ADGRF5: variants seen among roughly 807,000 people sequenced by gnomAD.
The protein encoded by ADGRF5 is G-protein coupled receptor 116.
A neutral mutation model predicts 132.3 loss-of-function variants in ADGRF5; 75 were observed. The ratio of observed to expected loss-of-function variants is 0.57; its 90% CI spans 0.47 to 0.69. The LOEUF (loss-of-function observed/expected upper bound fraction) is 0.69, where lower values mean the gene tolerates loss of function less well. Among genes scored for constraint, ADGRF5 ranks in the 30% least tolerant of loss-of-function variants. The pLI is 0.00. For missense variants in ADGRF5, 1,516 were observed against 1,630.6 expected (o/e 0.93, Z 1.21); for synonymous variants, 629 against 597.6 (o/e 1.05, Z -0.77).
In ADGRF5 at chr6:46,883,463, T is replaced by A. The variant is rs1772713015; in HGVS notation, c.612+96A>T. ...AGAATAATAAATCCACATCCGTAAA[T>A]TCTGACAGATCCAAGCCATGTTCAT... On this transcript the variant is annotated intron_variant, in intron 6 of 20. Coordinates refer to ENST00000283296, the MANE Select transcript of ADGRF5 (RefSeq NM_001098518.2). 26 of 676,494 alleles carry A rather than the reference T, an allele frequency of 3.8e-5. 1 individual carries two copies. The South Asian group carries it at 4.4e-4, about 11-fold the overall frequency. The allele number at this position is 676,494 out of a possible 1,614,324, so 41.9% of individuals were successfully genotyped here. A position where few individuals can be genotyped will look rare whatever the true frequency, so the allele number is the denominator to read the frequency against.
At chr6:46,886,705 G>A (rs1275518991) in intron 4 of ADGRF5, 1 of 152,346 alleles carries the variant, frequency 6.6e-6, no homozygotes, top group East Asian at 1.9e-4. Context: ...AAGGAAGATG[G>A]TGAAAGTTTG....
Position 46,859,165 on chromosome 6 carries a change from A to C in ADGRF5, c.2738T>G (p.Ile913Ser), listed in dbSNP as rs930629138. The change falls in exon 17 of 21, where the codon ATC becomes AGC. Residue 913 changes from isoleucine (I) to serine (S), a missense_variant. By Grantham distance (142) the Ile-to-Ser change is moderately radical (BLOSUM62 -2). This residue lies in a region of ADGRF5 where 571 missense variants were observed against 701.2 expected (regional missense o/e 0.81). Coordinates refer to ENST00000283296, the MANE Select transcript of ADGRF5 (RefSeq NM_001098518.2). ...PTLQAILAQD[I>S]QENNFAESLV... ...GCTCTCTGCAAAGTTATTTTCCTGG[A>C]TATCCTGGGCAAGGATGGCTTGGAG... The C allele has an allele frequency of 2.4e-5, 39 of 1,613,978 alleles. No individual in the cohort carries two copies. In the Admixed American group the frequency reaches 4.0e-4, roughly 17 times the overall value.
At chr6:46,892,044 C>T (rs1237188810) in intron 3 of ADGRF5, among the ~76,000 whole-genome samples, 2 of 152,104 alleles carry the variant, frequency 1.3e-5, no homozygotes, top group Middle Eastern at 3.4e-3. Context: ...TTGAAACAGG[C>T]TCAAAAACAC....
chr6:46,894,111 A>C (rs1000707005), intron 3 of ADGRF5, among the ~76,000 whole-genome samples: 3 of 152,212 alleles, frequency 2.0e-5, no homozygotes. Flanking sequence ...TCTTGACTAA[A>C]GAGGCCAATG....
At chr6:46,857,737 G>C (rs865949422) in intron 17 of ADGRF5, among the ~76,000 whole-genome samples, 1 of 151,366 alleles carries the variant, frequency 6.6e-6, no homozygotes, top group Admixed American at 6.6e-5. Context: ...TCTGTACCAA[G>C]GTCTCTATCA....
intron 20 of ADGRF5, chr6:46,854,747 G>A (rs1348981691): frequency 1.2e-5 from 15 of 1,286,904 alleles, no homozygotes; most frequent in Middle Eastern, 3.2e-4. Context: ...CGCTAACAAG[G>A]TTTCCGTCAT....
chr6:46,920,981 C>A (rs1249315729), intron 1 of ADGRF5, among the ~76,000 whole-genome samples: 3 of 152,114 alleles, frequency 2.0e-5, no homozygotes, highest in East Asian at 1.9e-4. Flanking sequence ...CTACGTTAGC[C>A]CTTTATGAAA....
intron 14 of ADGRF5, among the ~76,000 whole-genome samples, chr6:46,863,976 C>T (rs1581746773): frequency 6.6e-6 from 1 of 152,098 alleles, no homozygotes; most frequent in Non-Finnish European, 1.5e-5. Flanking sequence ...GTTTTGGTGC[C>T]CAGGGGCTAG....
At chr6:46,854,348 G>A (rs1296140604) in intron 20 of ADGRF5, among the ~76,000 whole-genome samples, 1 of 152,208 alleles carries the variant, frequency 6.6e-6, no homozygotes, top group East Asian at 1.9e-4. Flanking sequence ...AGATCTCAAG[G>A]TGGAAAGCCC....
intron 4 of ADGRF5, 143 bp from the exon 5 acceptor site, chr6:46,884,414 A>G: frequency 1.6e-6 from 1 of 621,118 alleles, no homozygotes; most frequent in South Asian, 2.0e-5. Flanking sequence ...ATAGCACTGC[A>G]TAAAATTGAT....
intron 1 of ADGRF5, among the ~76,000 whole-genome samples, chr6:46,949,960 T>C (rs769490016): frequency 3.3e-5 from 5 of 152,220 alleles, no homozygotes; most frequent in Non-Finnish European, 7.3e-5. Flanking sequence ...TATTTTAAAC[T>C]TACTGCAGCA....
At chr6:46,938,755 T>C (rs1307672590) in intron 1 of ADGRF5, among the ~76,000 whole-genome samples, 1 of 152,200 alleles carries the variant, frequency 6.6e-6, no homozygotes, top group Non-Finnish European at 1.5e-5. Flanking sequence ...CAGGTAACTC[T>C]TGTGCAAACC....
chr6:46,922,846 T>TG (rs1777049542), upstream of ADGRF5, among the ~76,000 whole-genome samples: 1 of 152,242 alleles, frequency 6.6e-6, no homozygotes, highest in Admixed American at 6.5e-5. Context: ...GAAAGGACTC[T>TG]GGAGTCAGAC....
intron 1 of ADGRF5, among the ~76,000 whole-genome samples, chr6:46,940,400 TC>T (rs1257393505): frequency 2.0e-5 from 3 of 152,224 alleles, no homozygotes; most frequent in African/African-American, 7.2e-5. Context: ...GGCCTCTTCT[TC>T]CCTATCCATC....
chr6:46,920,532 G>GGT (rs1373606241), intron 1 of ADGRF5, among the ~76,000 whole-genome samples: 1 of 132,922 alleles, frequency 7.5e-6, no homozygotes, highest in African/African-American at 2.7e-5. Context: ...TATTTGGGGG[G>GGT]GGGGAAGAGA....
At chr6:46,872,433 C>T (rs2150814494) in intron 10 of ADGRF5, among the ~76,000 whole-genome samples, 1 of 152,230 alleles carries the variant, frequency 6.6e-6, no homozygotes, top group Middle Eastern at 3.4e-3. Flanking sequence ...AAAAGAGAAG[C>T]AAGCTGTTTG....
chr6:46,889,253 TTATA>T (rs1333543513), intron 3 of ADGRF5, among the ~76,000 whole-genome samples: 7 of 146,530 alleles, frequency 4.8e-5, no homozygotes, highest in South Asian at 2.1e-4. Flanking sequence ...CTATATAGAA[TTATA>T]TATATAGACT....
At chr6:46,871,779 C>A in intron 11 of ADGRF5, 64 bp downstream of exon 11, 2 of 1,131,906 alleles carry the variant, frequency 1.8e-6, no homozygotes, top group Non-Finnish European at 2.5e-6. Flanking sequence ...GCTCACAGAT[C>A]ACTGGCAGCA....
rs1346552088 is a variant in ADGRF5, at chr6:46,871,885, C to T, written c.1369G>A (p.Ala457Thr). 1 of 1,609,874 alleles carries T rather than the reference C, an allele frequency of 6.2e-7. No individual in the cohort carries two copies. The highest frequency in any genetic ancestry group is 1.1e-5 in the South Asian group (1 of 90,616). ...YTCEFISAYG[A>T]RGSANIKVTF... is the part of the protein sequence containing the mutation. ...ACTTTTATGTTTGCACTGCCTCTGG[C>T]TCCATAGGCACTGATGAACTCACAA... is the stretch of plus-strand genomic sequence containing the variant. Residue 457 changes from alanine (A) to threonine (T), a missense_variant, in exon 11 of 21, where the codon GCC becomes ACC. Around this residue, in one of 2 missense-constraint regions of ADGRF5, gnomAD observed 945 missense variants for 929.4 expected, o/e 1.02. Transcript: ENST00000283296.
Sources: gnomAD v4.1 joint callset for allele counts (sites outside exome capture counted in the v4.1 genomes callset) on GRCh38, gnomAD v4.1.1 for gene constraint, gnomAD v4.1.1 regional missense constraint, MANE v1.5 for transcripts, NCBI Gene and HGNC (gene_info 2026-07-23, HGNC 2026-07-21) for gene names.